The following FERMT2 variants were observed in gnomAD, a reference collection of about 807,000 sequenced individuals.
FERMT2 encodes the protein fermitin family homolog 2.
FERMT2 carries 15 observed loss-of-function variants against 82.7 expected under a neutral mutation model. The ratio of observed to expected loss-of-function variants is 0.18; its 90% CI spans 0.12 to 0.28. The LOEUF is 0.28. Ranked by LOEUF, FERMT2 falls within the 10% of genes least tolerant of loss-of-function variation. The pLI is 1.00. For synonymous variants in FERMT2, 274 were observed against 271.5 expected, an observed-to-expected ratio of 1.01 and a Z score of -0.09; for missense variants, 645 against 809.4, an observed-to-expected ratio of 0.80 and a Z score of 2.46.
In FERMT2 at chr14:52,864,439, C is replaced by A. The variant is rs567338870; in HGVS notation, c.1564G>T (p.Val522Leu). The A allele has an allele frequency of 6.2e-7, 1 of 1,614,030 alleles. No homozygotes were observed. The highest frequency in any genetic ancestry group is 1.1e-5 in the South Asian group (1 of 91,084). The change falls in exon 12 of 15, where the codon GTG becomes TTG. Residue 522 changes from valine to leucine, a missense_variant. Val to Leu is a conservative substitution (Grantham distance 32). Coordinates refer to ENST00000341590, the MANE Select transcript of FERMT2 (RefSeq NM_006832.3). ...ITTDITPECLVSPRYLKKYKN... is the reference protein window; with the variant it reads ...ITTDITPECLLSPRYLKKYKN... Reference sequence around the variant, plus strand: ...TACTTTTTTAGATAGCGGGGAGACACCAAACATTCAGGAGTTATATCAGTC... The same window carrying A: ...TACTTTTTTAGATAGCGGGGAGACAACAAACATTCAGGAGTTATATCAGTC...
chr14:52,946,042 A>G (rs1595030456), intron 2 of FERMT2, among the ~76,000 whole-genome samples: 1 of 151,808 alleles, frequency 6.6e-6, no homozygotes, highest in East Asian at 1.9e-4. Flanking sequence ...ATACCCGGCT[A>G]ATTTTTGCAT....
chr14:52,896,154 G>T lies in FERMT2; in HGVS notation c.392-2727C>A, dbSNP rs193159743. Among the ~76,000 whole-genome samples the T allele has an allele frequency of 3.9e-5, 6 of 152,260 alleles. No homozygotes were observed. In the East Asian group the frequency reaches 9.6e-4, roughly 24 times the overall value. On this transcript the variant is annotated intron_variant, in intron 3 of 14. Transcript: ENST00000341590. ...TTTTCAACTCCATTATAATCTTAAG[G>T]AACTATCACTGGATATGTGGTTCAT...
At chr14:52,872,676 G>C in intron 10 of FERMT2, 123 bp downstream of exon 10, 1 of 913,460 alleles carries the variant, frequency 1.1e-6, no homozygotes, top group Non-Finnish European at 1.6e-6. Context: ...CATTTTTCAA[G>C]TACCCAAAGG....
At chr14:52,906,098 G>A (rs1163547206) in intron 3 of FERMT2, among the ~76,000 whole-genome samples, 1 of 152,242 alleles carries the variant, frequency 6.6e-6, no homozygotes, top group African/African-American at 2.4e-5. Context: ...CCTATGGGCA[G>A]GGGAGGGGCG....
At chr14:52,900,204 C>A in intron 3 of FERMT2, among the ~76,000 whole-genome samples, 1 of 151,600 alleles carries the variant, frequency 6.6e-6, no homozygotes, top group South Asian at 2.1e-4. Flanking sequence ...CTCGACTTCC[C>A]AGGCTCAGGC....
chr14:52,948,536 G>C, intron 2 of FERMT2: 1 of 453,770 alleles, frequency 2.2e-6, no homozygotes, highest in Non-Finnish European at 4.4e-6. Context: ...AAGATGTAAG[G>C]TTTCCATACG....
rs1243842613 is a variant in FERMT2 at position 52,859,563 on chromosome 14, A to G, written c.1869+10T>C. 2 of 1,595,006 alleles carry G rather than the reference A, an allele frequency of 1.3e-6. No homozygotes were observed. Among genetic ancestry groups the G allele is most frequent in the Non-Finnish European group, 1.7e-6 (2 of 1,169,318 alleles). ...AGGACTATATTCAAGTAACATTGTT[A>G]TGAGTTTACCATTTTGATTTCCCAG... On this transcript the variant is annotated intron_variant, in intron 14 of 14. Coordinates refer to ENST00000341590, the MANE Select transcript of FERMT2 (RefSeq NM_006832.3).
chr14:52,922,449 C>A (rs1274140004), intron 2 of FERMT2, among the ~76,000 whole-genome samples: 3 of 148,996 alleles, frequency 2.0e-5, no homozygotes, highest in East Asian at 2.0e-4. Flanking sequence ...CTCCATAGCA[C>A]CTGTTACAGC....
chr14:52,898,012 C>T (rs1887399634), intron 3 of FERMT2, among the ~76,000 whole-genome samples: 1 of 150,230 alleles, frequency 6.7e-6, no homozygotes, highest in African/African-American at 2.4e-5. Context: ...AAAAAAAACC[C>T]CACAAAGAAA....
At chr14:52,926,151 A>AAGG (rs374741392) in intron 2 of FERMT2, among the ~76,000 whole-genome samples, 2 of 152,114 alleles carry the variant, frequency 1.3e-5, no homozygotes, top group African/African-American at 2.4e-5. Flanking sequence ...ATGACTTTAA[A>AAGG]ATACTTACGA....
chr14:52,872,967 C>T (rs1330581870), intron 9 of FERMT2, 44 bp from the exon 10 acceptor site: 18 of 1,591,510 alleles, frequency 1.1e-5, no homozygotes, highest in Non-Finnish European at 1.4e-5. Flanking sequence ...TTGGAAGTAA[C>T]TTTATTAACG....
At chr14:52,901,696 G>C (rs1441616697) in intron 3 of FERMT2, among the ~76,000 whole-genome samples, 2 of 152,194 alleles carry the variant, frequency 1.3e-5, no homozygotes, top group African/African-American at 2.4e-5. Flanking sequence ...TAGCAGACAA[G>C]CCAGAGGGAA....
intron 3 of FERMT2, among the ~76,000 whole-genome samples, chr14:52,909,752 A>T (rs1255807394): frequency 6.7e-6 from 1 of 149,878 alleles, no homozygotes; most frequent in Non-Finnish European, 1.5e-5. Flanking sequence ...AGTTTAAGTG[A>T]TCCTTCATTT....
At chr14:52,944,683 A>T (rs1890246553) in intron 2 of FERMT2, among the ~76,000 whole-genome samples, 1 of 152,260 alleles carries the variant, frequency 6.6e-6, no homozygotes, top group Non-Finnish European at 1.5e-5. Context: ...CGTATACCAT[A>T]CTTAATGATC....
chr14:52,943,500 A>C (rs1487997248), intron 2 of FERMT2, among the ~76,000 whole-genome samples: 4 of 152,188 alleles, frequency 2.6e-5, no homozygotes, highest in Non-Finnish European at 5.9e-5. Flanking sequence ...GAAAAAAACA[A>C]AGGCCATTAT....
intron 2 of FERMT2, among the ~76,000 whole-genome samples, chr14:52,927,623 A>AT (rs1889357869): frequency 2.1e-5 from 3 of 144,974 alleles, no homozygotes; most frequent in African/African-American, 5.1e-5. Context: ...AAAAAAAAAA[A>AT]TCCAGGCATG....
chr14:52,903,869 T>A (rs1361517606), intron 3 of FERMT2, among the ~76,000 whole-genome samples: 3 of 152,024 alleles, frequency 2.0e-5, no homozygotes, highest in African/African-American at 4.8e-5. Context: ...ACTGTACACC[T>A]TGGCCAAGAA....
At chr14:52,866,784 G>A (rs1020293199) in intron 10 of FERMT2, among the ~76,000 whole-genome samples, 1 of 152,244 alleles carries the variant, frequency 6.6e-6, no homozygotes, top group Non-Finnish European at 1.5e-5. Flanking sequence ...GCCACCAGAA[G>A]TTAAGTCCAT....
rs527307218 is a variant in FERMT2, at chr14:52,867,800, G to A, written c.1274-2947C>T. On this transcript the variant is annotated intron_variant, in intron 10 of 14. Coordinates refer to ENST00000341590, the MANE Select transcript of FERMT2 (RefSeq NM_006832.3). ...TCTCATCTTCTACATTCTTATCTCA[G>A]TATCACACTATCCACCCAATTGCAC... Among the ~76,000 whole-genome samples the A allele has an allele frequency of 2.6e-5, 4 of 151,974 alleles. No individual in the cohort carries two copies. The East Asian group carries it at 7.7e-4, about 29-fold the overall frequency.
Sources: gnomAD v4.1 joint callset for allele counts (sites outside exome capture counted in the v4.1 genomes callset) on GRCh38, gnomAD v4.1.1 for gene constraint, MANE v1.5 for transcripts, NCBI Gene and HGNC (gene_info 2026-07-23, HGNC 2026-07-21) for gene names.